GJB7: variants seen among roughly 807,000 people sequenced by gnomAD.
The protein encoded by GJB7 is gap junction protein beta 7, also known as gap junction beta-7 protein.
For synonymous variants in GJB7, 87 were observed against 95.2 expected, an observed-to-expected ratio of 0.91 and a Z score of 0.50; for missense variants, 253 against 256.8, an observed-to-expected ratio of 0.99 and a Z score of 0.10.
intron 2 of GJB7, among the ~76,000 whole-genome samples, chr6:87,311,331 C>T (rs1355968580): frequency 6.6e-6 from 1 of 152,096 alleles, no homozygotes; most frequent in Non-Finnish European, 1.5e-5. Flanking sequence ...CAATAATGTT[C>T]ACAACAGCAC....
intron 2 of GJB7, chr6:87,299,521 G>A (rs1319053106): frequency 6.6e-6 from 2 of 304,778 alleles, no homozygotes; most frequent in Non-Finnish European, 1.3e-5. Context: ...CCAGACCACT[G>A]TACCTGCTCT....
chr6:87,317,874 C>T (rs1223480478), intron 2 of GJB7, among the ~76,000 whole-genome samples: 6 of 102,798 alleles, frequency 5.8e-5, no homozygotes, highest in Middle Eastern at 9.1e-3. Context: ...TGATAATAAA[C>T]TTATGCTTTT....
At chr6:87,328,913 GC>G (rs1776916455) in intron 1 of GJB7, among the ~76,000 whole-genome samples, 1 of 152,326 alleles carries the variant, frequency 6.6e-6, no homozygotes, top group South Asian at 2.1e-4. Context: ...GACTCCGTGG[GC>G]GTAGGACCCT....
chr6:87,293,666 G>A (rs899972649), intron 2 of GJB7, among the ~76,000 whole-genome samples: 5 of 152,190 alleles, frequency 3.3e-5, no homozygotes, highest in Admixed American at 1.3e-4. Context: ...GACACCTTCT[G>A]CTAGCAGCAG....
chr6:87,309,353 C>T (rs1268547461), intron 2 of GJB7, among the ~76,000 whole-genome samples: 1 of 152,224 alleles, frequency 6.6e-6, no homozygotes, highest in African/African-American at 2.4e-5. Flanking sequence ...GGATTTCCAG[C>T]TTGTGCTTTT....
intron 2 of GJB7, chr6:87,322,588 G>A (rs1776689422): frequency 6.6e-6 from 1 of 152,232 alleles, no homozygotes; most frequent in African/African-American, 2.4e-5. Context: ...GCGGCGAAGC[G>A]GGGCGGGGCG....
Position 87,284,905 on chromosome 6 carries a change from C to A in GJB7, c.8G>T (p.Trp3Leu). 2 of 1,609,010 alleles carry A rather than the reference C, an allele frequency of 1.2e-6. No individual in the cohort carries two copies. The highest frequency in any genetic ancestry group is 8.5e-7 in the Non-Finnish European group (1 of 1,176,062). MS[W>L]MFLRDLLSGV... ...ACTCAGGAGATCTCTGAGGAACATC[C>A]AACTCATGACTTAGGCTCAAAAGAA... The change falls in exon 3 of 3, where the codon TGG (tryptophan) becomes TTG (leucine). Residue 3 changes from tryptophan (W) to leucine (L), a missense_variant. Physicochemically the swap from Trp to Leu is moderately conservative, Grantham distance 61. Transcript: ENST00000525899.
In GJB7 at chr6:87,326,570, A is replaced by T. The variant is rs551667859; in HGVS notation, c.-206+2568T>A. ...AGGTTGTTCAGTTTCCATGTAGTTG[A>T]GTGGTTTTGAGTGAGATTCTTAATC... On this transcript the variant is annotated intron_variant, in intron 1 of 2. Coordinates refer to ENST00000525899, the MANE Select transcript of GJB7 (RefSeq NM_198568.3). Among the ~76,000 whole-genome samples the T allele has an allele frequency of 1.8e-3, 274 of 148,182 alleles. 1 individual carries two copies. Among genetic ancestry groups the T allele is most frequent in the Middle Eastern group, 0.01 (3 of 290 alleles).
intron 1 of GJB7, among the ~76,000 whole-genome samples, chr6:87,327,047 T>G (rs1372059788): frequency 6.7e-6 from 1 of 149,586 alleles, no homozygotes; most frequent in African/African-American, 2.5e-5. Context: ...CTTTTGATCT[T>G]TGTTGGTTAA....
chr6:87,328,985 G>T (rs1414331579), intron 1 of GJB7, among the ~76,000 whole-genome samples, 153 bp downstream of exon 1: 4 of 152,210 alleles, frequency 2.6e-5, no homozygotes, highest in African/African-American at 9.7e-5. Flanking sequence ...TCGGAAAAGC[G>T]CAGGATTCGG....
chr6:87,294,357 C>G (rs181252260), intron 2 of GJB7, among the ~76,000 whole-genome samples: 1 of 152,330 alleles, frequency 6.6e-6, no homozygotes, highest in East Asian at 1.9e-4. Flanking sequence ...ATGAACCACA[C>G]AAGGGTGGAG....
chr6:87,319,128 C>T (rs529137722), intron 2 of GJB7, among the ~76,000 whole-genome samples: 12 of 152,126 alleles, frequency 7.9e-5, no homozygotes, highest in Non-Finnish European at 1.5e-4. Flanking sequence ...TATGCAATCC[C>T]ATCAAATACA....
At chr6:87,313,306 T>C (rs1776536457) in intron 2 of GJB7, among the ~76,000 whole-genome samples, 1 of 152,196 alleles carries the variant, frequency 6.6e-6, no homozygotes, top group South Asian at 2.1e-4. Flanking sequence ...GACTTTTCAG[T>C]TTTATTTGAG....
At chr6:87,299,601 T>TA (rs1455109013) in intron 2 of GJB7, 11 of 218,626 alleles carry the variant, frequency 5.0e-5, no homozygotes, top group Admixed American at 1.7e-4. Flanking sequence ...AAGCTCGAAG[T>TA]ACATTCATTT....
At chr6:87,295,641 T>C (rs1011979255) in intron 2 of GJB7, among the ~76,000 whole-genome samples, 7 of 152,162 alleles carry the variant, frequency 4.6e-5, no homozygotes, top group African/African-American at 1.7e-4. Context: ...CAAATGAAAA[T>C]GTGAGTCTTG....
chr6:87,324,131 G>T (rs185086912), intron 1 of GJB7, among the ~76,000 whole-genome samples: 10,459 of 151,342 alleles, frequency 0.069, 767 homozygotes, highest in African/African-American at 0.19. Context: ...CTTTGTTTTT[G>T]TCTTGTAAAT....
At chr6:87,324,796 A>G (rs1046479245) in intron 1 of GJB7, among the ~76,000 whole-genome samples, 21 of 152,308 alleles carry the variant, frequency 1.4e-4, no homozygotes, top group African/African-American at 3.6e-4. Context: ...GCTTTTTCCA[A>G]TTCTATGAAG....
In GJB7 at chr6:87,305,760, T is replaced by A. The variant is rs199844724; in HGVS notation, c.-28+17106A>T. Among the ~76,000 whole-genome samples the A allele has an allele frequency of 2.0e-5, 3 of 152,282 alleles. No homozygotes were observed. In the East Asian group the frequency reaches 5.8e-4, roughly 29 times the overall value. ...AAGAACAAAGCTGGAGGCATCACAC[T>A]ACCTGACTTCAAACTATACTACAAG... On this transcript the variant is annotated intron_variant, in intron 2 of 2. Transcript: ENST00000525899.
At chr6:87,326,950 C>T (rs1407402181) in intron 1 of GJB7, among the ~76,000 whole-genome samples, 56 of 108,064 alleles carry the variant, frequency 5.2e-4, no homozygotes, top group Non-Finnish European at 2.3e-4. Context: ...TCTGGGTGCT[C>T]CTGTATTGGG....
Sources: gnomAD v4.1 joint callset for allele counts (sites outside exome capture counted in the v4.1 genomes callset) on GRCh38, gnomAD v4.1.1 for gene constraint, MANE v1.5 for transcripts, NCBI Gene and HGNC (gene_info 2026-07-23, HGNC 2026-07-21) for gene names.